KIRREL3: variants seen among roughly 807,000 people sequenced by gnomAD.
KIRREL3 encodes kirre like nephrin family adhesion molecule 3, also known as kin of IRRE-like protein 3.
In KIRREL3, 36 loss-of-function variants were observed where a neutral mutation model predicts 89.7. The ratio of observed to expected loss-of-function variants is 0.40; its 90% CI spans 0.31 to 0.53. The LOEUF is 0.53. Ranked by LOEUF, KIRREL3 falls within the 20% of genes least tolerant of loss-of-function variation. The pLI, the probability that KIRREL3 is intolerant of heterozygous loss-of-function variation, is 0.49. For missense variants in KIRREL3, 864 were observed against 1,056.6 expected, an observed-to-expected ratio of 0.82 and a Z score of 2.53; for synonymous variants, 445 against 441.4, an observed-to-expected ratio of 1.01 and a Z score of -0.10.
chr11:126,691,882 A>G (rs1377838846), intron 1 of KIRREL3, among the ~76,000 whole-genome samples: 1 of 152,194 alleles, frequency 6.6e-6, no homozygotes, highest in African/African-American at 2.4e-5. Context: ...TTCTCCAAAG[A>G]TGATTTACAA....
intron 2 of KIRREL3, among the ~76,000 whole-genome samples, chr11:126,545,339 T>G (rs1170019914): frequency 1.3e-5 from 2 of 152,130 alleles, no homozygotes; most frequent in Admixed American, 1.3e-4. Context: ...TCCAGAGATA[T>G]CTATCTGGAT....
At chr11:126,458,492 G>T (rs1956445966) in intron 6 of KIRREL3, among the ~76,000 whole-genome samples, 1 of 152,184 alleles carries the variant, frequency 6.6e-6, no homozygotes. Context: ...CTGCTCAGCT[G>T]CCCTCTTCCT....
rs1939246771 is a variant in KIRREL3, at chr11:126,551,358, A to ATCTCTC, written c.133+11476_133+11477insGAGAGA. Reference sequence around the variant, plus strand: ...ATGGGGCAGGGGAAAGGAGGGCCGGAGAGAGATCCTGTTTCCCGAGGCCTG... The same window carrying ATCTCTC: ...ATGGGGCAGGGGAAAGGAGGGCCGGATCTCTCGAGAGATCCTGTTTCCCGAGGCCTG... On this transcript the variant is annotated intron_variant, in intron 2 of 16. Coordinates refer to ENST00000525144, the MANE Select transcript of KIRREL3 (RefSeq NM_032531.4). This position sits in a 1 kb window ranked among gnomAD's most constrained non-coding sequence, Gnocchi z 4.9. 6.6e-6 allele frequency among the ~76,000 whole-genome samples: 1 copy of ATCTCTC among 152,170 alleles called. No homozygotes were observed. The highest frequency in any genetic ancestry group is 1.5e-5 in the Non-Finnish European group (1 of 68,014).
intron 1 of KIRREL3, among the ~76,000 whole-genome samples, chr11:126,864,157 T>A (rs2134634782): frequency 6.6e-6 from 1 of 152,324 alleles, no homozygotes; most frequent in East Asian, 1.9e-4. Flanking sequence ...CCCTTCCTTA[T>A]CTATTTTTCA....
intron 1 of KIRREL3, among the ~76,000 whole-genome samples, chr11:126,822,902 T>C (rs1943276261): frequency 6.6e-6 from 1 of 152,176 alleles, no homozygotes; most frequent in Non-Finnish European, 1.5e-5. Context: ...CACAGTGTTA[T>C]ATCCACTGTA....
chr11:127,000,367 G>A lies in KIRREL3; in HGVS notation c.55+88C>T. On this transcript the variant is annotated intron_variant, in intron 1 of 16. Transcript: ENST00000525144. The surrounding 1 kb of genome is among the most constrained non-coding windows in gnomAD (Gnocchi z 7.1). ...GACGCATCCATCAGTCCGAGTTCCC[G>A]AAGCCTGCCCACGTTCCTGCCCACA... is the stretch of plus-strand genomic sequence containing the variant. 8.8e-7 allele frequency: 1 copy of A among 1,141,180 alleles called. No individual in the cohort carries two copies. Among genetic ancestry groups the A allele is most frequent in the South Asian group, 1.5e-5 (1 of 66,902 alleles). The allele number at this position is 1,141,180 out of a possible 1,614,324, so 70.7% of individuals were successfully genotyped here.
chr11:126,668,629 G>A lies in KIRREL3; in HGVS notation c.56-105717C>T, dbSNP rs1052573371. Among the ~76,000 whole-genome samples, 26 of 152,178 alleles carry A rather than the reference G, an allele frequency of 1.7e-4. No individual in the cohort carries two copies. The highest frequency in any genetic ancestry group is 6.0e-4 in the African/African-American group (25 of 41,530). Reference sequence around the variant, plus strand: ...GATGACAGAGAGGCCCCCCTTCTCGGTTTTCTCAGATAGCATGCCATTTGC... The same window carrying A: ...GATGACAGAGAGGCCCCCCTTCTCGATTTTCTCAGATAGCATGCCATTTGC... On this transcript the variant is annotated intron_variant, in intron 1 of 16. Transcript: ENST00000525144. The surrounding 1 kb of genome is among the most constrained non-coding windows in gnomAD (Gnocchi z 4.4).
chr11:126,805,546 T>A lies in KIRREL3; in HGVS notation c.55+194909A>T, dbSNP rs1008866913. On this transcript the variant is annotated intron_variant, in intron 1 of 16. Coordinates refer to ENST00000525144, the MANE Select transcript of KIRREL3 (RefSeq NM_032531.4). The surrounding 1 kb of genome is among the most constrained non-coding windows in gnomAD (Gnocchi z 4.3). ...GAAACCTTGAGCTGATTGCAGACTG[T>A]CTCTAGGTTGTCATCCATTAATTAA... Among the ~76,000 whole-genome samples the A allele has an allele frequency of 1.3e-5, 2 of 152,208 alleles. No homozygotes were observed. Among genetic ancestry groups the A allele is most frequent in the Non-Finnish European group, 2.9e-5 (2 of 68,040 alleles).
At chr11:126,922,599 A>G (rs565317765) in intron 1 of KIRREL3, among the ~76,000 whole-genome samples, 43 of 151,846 alleles carry the variant, frequency 2.8e-4, no homozygotes, top group Admixed American at 2.4e-3. Context: ...TCCCACTTCT[A>G]GGGACCTTGT....
intron 1 of KIRREL3, among the ~76,000 whole-genome samples, chr11:126,884,862 C>T (rs1049079325): frequency 1.3e-5 from 2 of 151,992 alleles, no homozygotes; most frequent in African/African-American, 4.8e-5. Flanking sequence ...ATCAGAAATG[C>T]AACCAATGGT....
At chr11:126,711,506 G>A (rs753599439) in intron 1 of KIRREL3, among the ~76,000 whole-genome samples, 2 of 152,124 alleles carry the variant, frequency 1.3e-5, no homozygotes, top group Non-Finnish European at 2.9e-5. Context: ...AGGTTGCATG[G>A]AACTGAGATC....
rs141924306 is a variant in KIRREL3, at chr11:126,949,507, C to T, written c.55+50948G>A. ...ATGGAGGGACACAAAGATGCATTTC[C>T]GCCTGGAAGCACGACAGGCTGCTAA... On this transcript the variant is annotated intron_variant, in intron 1 of 16. Coordinates refer to ENST00000525144, the MANE Select transcript of KIRREL3 (RefSeq NM_032531.4). 4.2e-4 allele frequency among the ~76,000 whole-genome samples: 64 copies of T among 152,282 alleles called. No homozygotes were observed. The South Asian group carries it at 4.6e-3, about 11-fold the overall frequency.
At chr11:126,542,584 C>T (rs571655332) in intron 2 of KIRREL3, among the ~76,000 whole-genome samples, 1 of 152,280 alleles carries the variant, frequency 6.6e-6, no homozygotes, top group African/African-American at 2.4e-5. Context: ...GAGGGGAGAA[C>T]ATCACCTCTG....
rs1943903684 is a variant in KIRREL3, at chr11:126,628,909, C to A, written c.56-65997G>T. Among the ~76,000 whole-genome samples the A allele has an allele frequency of 6.6e-6, 1 of 152,206 alleles. No homozygotes were observed. The highest frequency in any genetic ancestry group is 1.5e-5 in the Non-Finnish European group (1 of 68,026). ...GCACAGGGAGGCAGGGCTTCCCCAG[C>A]CCAGCAGAGGCACCAAACCCACGCA... is the stretch of plus-strand genomic sequence containing the variant. On this transcript the variant is annotated intron_variant, in intron 1 of 16. Coordinates refer to ENST00000525144, the MANE Select transcript of KIRREL3 (RefSeq NM_032531.4). The surrounding 1 kb of genome is among the most constrained non-coding windows in gnomAD (Gnocchi z 5.2).
rs1779014154 is a variant in KIRREL3 at position 126,783,066 on chromosome 11, A to T, written c.55+217389T>A. The stretch of plus-strand genomic sequence containing the variant: ...TAGAGATGTCATAACAAATAACTAC[A>T]ACTGGGTGGCTAAGAGCAACAGAAA... On this transcript the variant is annotated intron_variant, in intron 1 of 16. Transcript: ENST00000525144. The surrounding 1 kb of genome is among the most constrained non-coding windows in gnomAD (Gnocchi z 4.3). 6.6e-6 allele frequency among the ~76,000 whole-genome samples: 1 copy of T among 152,194 alleles called. No individual in the cohort carries two copies. The highest frequency in any genetic ancestry group is 1.5e-5 in the Non-Finnish European group (1 of 68,030).
At chr11:126,536,265 CTGTG>C (rs149581318) in intron 2 of KIRREL3, among the ~76,000 whole-genome samples, 1 of 150,314 alleles carries the variant, frequency 6.7e-6, no homozygotes, top group Non-Finnish European at 1.5e-5. Context: ...GTGTGTGTGT[CTGTG>C]TGTGTGTGTG....
In KIRREL3 at chr11:126,780,234, G is replaced by A. The variant is rs538521027; in HGVS notation, c.56-217322C>T. Among the ~76,000 whole-genome samples the A allele has an allele frequency of 6.6e-6, 1 of 152,326 alleles. No homozygotes were observed. The highest frequency in any genetic ancestry group is 2.1e-4 in the South Asian group (1 of 4,828). ...AGATAAGGAAGCAACAGAAACCCCA[G>A]CTAGCGTGGGTGTGTGGACTGCAGA... On this transcript the variant is annotated intron_variant, in intron 1 of 16. Transcript: ENST00000525144. This position sits in a 1 kb window ranked among gnomAD's most constrained non-coding sequence, Gnocchi z 5.3.
In KIRREL3 at chr11:126,445,100, C is replaced by T. The variant is rs531474571; in HGVS notation, c.1131G>A (p.Leu377=). 1 of 1,613,948 alleles carries T rather than the reference C, an allele frequency of 6.2e-7. No homozygotes were observed. Among genetic ancestry groups the T allele is most frequent in the African/African-American group, 1.3e-5 (1 of 75,066 alleles). The stretch of plus-strand genomic sequence containing the variant: ...TGAGGGTCAGGGTCTTCTCATTGCT[C>T]AGGACCTAGGAGAATTGGCAGGCTC... ...VWMKRGSGVV[L]SNEKTLTLKS... is the part of the protein sequence containing the mutation. The change falls in exon 10 of 17, where the codon CTG becomes CTA. Residue 377 remains leucine (L), a synonymous_variant. Transcript: ENST00000525144.
rs35913153 is a variant in KIRREL3, at chr11:126,953,622, C to CAGAG, written c.55+46829_55+46832dup. On this transcript the variant is annotated intron_variant, in intron 1 of 16. Coordinates refer to ENST00000525144, the MANE Select transcript of KIRREL3 (RefSeq NM_032531.4). This position sits in a 1 kb window ranked among gnomAD's most constrained non-coding sequence, Gnocchi z 5.2. ...CACACACTTGGGAGAGATAGAGAGA[C>CAGAG]AGAGAGAGAGAACGACCAAGTACGA... Among the ~76,000 whole-genome samples the CAGAG allele has an allele frequency of 0.89, 134,425 of 151,072 alleles. 59,901 individuals carry two copies. The highest frequency in any genetic ancestry group is 0.96 in the Middle Eastern group (279 of 292).
Sources: gnomAD v4.1 joint callset for allele counts (sites outside exome capture counted in the v4.1 genomes callset) on GRCh38, gnomAD v4.1.1 for gene constraint, Gnocchi (gnomAD v3.1) non-coding constraint, MANE v1.5 for transcripts, NCBI Gene and HGNC (gene_info 2026-07-23, HGNC 2026-07-21) for gene names.